PXDNL: variants seen among roughly 807,000 people sequenced by gnomAD.
PXDNL encodes the protein probable oxidoreductase PXDNL.
In PXDNL, 145 loss-of-function variants were observed where a neutral mutation model predicts 150.8. The observed-to-expected ratio is 0.96, with a 90% CI of 0.84 to 1.10. PXDNL has a LOEUF of 1.10. PXDNL is among the 50% of genes least tolerant of loss of function. PXDNL has a pLI of 0.00. For missense variants in PXDNL, 2,087 were observed against 1,873.9 expected (o/e 1.11, Z -2.10); for synonymous variants, 757 against 725.7 (o/e 1.04, Z -0.69).
chr8:51,406,405 C>T (rs1489217330), intron 17 of PXDNL, among the ~76,000 whole-genome samples: 1 of 152,202 alleles, frequency 6.6e-6, no homozygotes, highest in African/African-American at 2.4e-5. Flanking sequence ...TTGCAATACA[C>T]CTTCCAGATG....
intron 2 of PXDNL, among the ~76,000 whole-genome samples, chr8:51,608,082 CA>C (rs1813900085): frequency 6.8e-6 from 1 of 146,584 alleles, no homozygotes; most frequent in African/African-American, 2.7e-5. Flanking sequence ...AGCAAGCAAG[CA>C]AGCAAGCAAG....
At position 51,556,859 on chromosome 8, in the gene PXDNL, G is replaced by C. The variant is rs961933183; in HGVS notation, c.361C>G (p.Leu121Val). Reference protein sequence around the residue: ...HALDKQTFKGLISLEHLYIHF... With the variant: ...HALDKQTFKGVISLEHLYIHF... Reference sequence around the variant, plus strand: ...ACTTACAGATGTTCCAAAGATATGAGTCCTTTAAATGTTTGCTTATCTAGT... The same window carrying C: ...ACTTACAGATGTTCCAAAGATATGACTCCTTTAAATGTTTGCTTATCTAGT... The change falls in exon 4 of 23, where the codon CTC becomes GTC. Residue 121 changes from leucine (L) to valine (V), a missense_variant. Physicochemically the swap from Leu to Val is conservative, Grantham distance 32. Transcript: ENST00000356297. 7.0e-6 allele frequency: 11 copies of C among 1,579,502 alleles called. No homozygotes were observed. The highest frequency in any genetic ancestry group is 7.8e-6 in the Non-Finnish European group (9 of 1,149,544).
rs1312434830 is a variant in PXDNL, at chr8:51,374,684, A to T, written c.3605T>A (p.Val1202Asp). The part of the protein sequence containing the change: ...GDIDLWPALM[V>D]EDLIPGTRVG... ...TCTTGTACCAGGAATCAGGTCTTCA[A>T]CCATAAGGGCGGGCCAGAGGTCAAT... Residue 1202 changes from valine to aspartate, a missense_variant, in exon 18 of 23, where the codon GTT becomes GAT. Transcript: ENST00000356297. 6.2e-7 allele frequency: 1 copy of T among 1,613,866 alleles called. No homozygotes were observed. The highest frequency in any genetic ancestry group is 8.5e-7 in the Non-Finnish European group (1 of 1,179,890).
chr8:51,414,713 G>A (rs1211191110), intron 14 of PXDNL, among the ~76,000 whole-genome samples: 1 of 152,054 alleles, frequency 6.6e-6, no homozygotes, highest in Admixed American at 6.6e-5. Flanking sequence ...ACTAATAAAT[G>A]ACACAAATAG....
rs572678490 is a variant in PXDNL, at chr8:51,530,977, T to C, written c.380+25863A>G. Among the ~76,000 whole-genome samples the C allele has an allele frequency of 1.1e-4, 16 of 152,320 alleles. 1 individual carries two copies. The East Asian group carries it at 3.1e-3, about 29-fold the overall frequency. On this transcript the variant is annotated intron_variant, in intron 4 of 22. Coordinates refer to ENST00000356297, the MANE Select transcript of PXDNL (RefSeq NM_144651.5). ...ACAAAATAGATGCTCAGTAAATATT[T>C]TGAATGTGCACAAGAATAAATGAGT... is the stretch of plus-strand genomic sequence containing the variant.
In PXDNL at chr8:51,484,435, G is replaced by A. The variant is rs1320408820; in HGVS notation, c.453-721C>T. 1.0e-3 allele frequency among the ~76,000 whole-genome samples: 138 copies of A among 137,102 alleles called. 1 individual carries two copies. The highest frequency in any genetic ancestry group is 2.6e-3 in the African/African-American group (97 of 36,824). The allele number at this position is 137,102 out of a possible 152,430, so 89.9% of individuals were successfully genotyped here. A position where few individuals can be genotyped will look rare whatever the true frequency, so the allele number is the denominator to read the frequency against. On this transcript the variant is annotated intron_variant, in intron 5 of 22. Coordinates refer to ENST00000356297, the MANE Select transcript of PXDNL (RefSeq NM_144651.5). ...GGGTGACAGAGCAAGACTCTGTCTC[G>A]AAAAAAAAAAAAAAGGCACAACAAT...
chr8:51,333,748 C>A (rs1459322155), intron 21 of PXDNL, among the ~76,000 whole-genome samples: 1 of 152,260 alleles, frequency 6.6e-6, no homozygotes, highest in South Asian at 2.1e-4. Context: ...AGTAAAAGGC[C>A]TTGTCCAACA....
intron 1 of PXDNL, among the ~76,000 whole-genome samples, chr8:51,746,098 T>C (rs2036982139): frequency 6.6e-6 from 1 of 152,196 alleles, no homozygotes; most frequent in Admixed American, 6.5e-5. Flanking sequence ...CATAGATCTT[T>C]AGCAAGACTT....
intron 9 of PXDNL, among the ~76,000 whole-genome samples, chr8:51,455,605 A>G (rs1373090599): frequency 6.6e-6 from 1 of 152,182 alleles, no homozygotes. Flanking sequence ...TAGGCAGGCA[A>G]AAGAGATTTA....
chr8:51,588,032 G>C (rs1439588569), intron 3 of PXDNL, among the ~76,000 whole-genome samples: 1 of 152,172 alleles, frequency 6.6e-6, no homozygotes, highest in African/African-American at 2.4e-5. Context: ...AAAAAGAGAA[G>C]TACTGGTTGG....
At chr8:51,669,054 GATAA>G (rs1250320208) in intron 1 of PXDNL, among the ~76,000 whole-genome samples, 11 of 152,224 alleles carry the variant, frequency 7.2e-5, no homozygotes, top group African/African-American at 2.2e-4. Flanking sequence ...GATATTCTAT[GATAA>G]ATAAATCAAT....
At chr8:51,642,020 A>ACAGC (rs1814768147) in intron 2 of PXDNL, among the ~76,000 whole-genome samples, 1 of 137,050 alleles carries the variant, frequency 7.3e-6, no homozygotes, top group African/African-American at 3.1e-5. Context: ...GGAATACTAT[A>ACAGC]CAGCCATAAA....
At chr8:51,698,649 C>T (rs959623292) in intron 1 of PXDNL, among the ~76,000 whole-genome samples, 1 of 152,208 alleles carries the variant, frequency 6.6e-6, no homozygotes, top group East Asian at 1.9e-4. Context: ...TCATGGATCA[C>T]GCCTGTTCTT....
At chr8:51,403,513 G>A (rs1233672419) in intron 17 of PXDNL, among the ~76,000 whole-genome samples, 1 of 152,214 alleles carries the variant, frequency 6.6e-6, no homozygotes, top group Non-Finnish European at 1.5e-5. Context: ...TTGGGGGTGA[G>A]ATGAGTCCGA....
chr8:51,547,392 C>A (rs1812384309), intron 4 of PXDNL, among the ~76,000 whole-genome samples: 1 of 152,182 alleles, frequency 6.6e-6, no homozygotes, highest in African/African-American at 2.4e-5. Context: ...TTCAAGAAAA[C>A]CAGCACACTA....
intron 1 of PXDNL, among the ~76,000 whole-genome samples, chr8:51,656,784 G>A (rs1815158944): frequency 6.6e-6 from 1 of 152,106 alleles, no homozygotes; most frequent in South Asian, 2.1e-4. Context: ...AATTTCACGT[G>A]TGTATGTTTA....
At chr8:51,394,610 T>C (rs755516349) in intron 17 of PXDNL, among the ~76,000 whole-genome samples, 4 of 152,264 alleles carry the variant, frequency 2.6e-5, no homozygotes, top group Admixed American at 6.5e-5. Context: ...CTCTGCCAGG[T>C]AGTGGGACAT....
rs188091606 is a variant in PXDNL at position 51,639,852 on chromosome 8, A to G, written c.236+14837T>C. ...GTGGGAATCCTCCCTAACTCATTTT[A>G]TGAGGCCAGCATCATCCTGATACCA... On this transcript the variant is annotated intron_variant, in intron 2 of 22. Transcript: ENST00000356297. Among the ~76,000 whole-genome samples the G allele has an allele frequency of 5.6e-4, 85 of 152,298 alleles. No homozygotes were observed. The East Asian group carries it at 0.015, about 27-fold the overall frequency.
At chr8:51,749,648 C>T (rs149604305) in intron 1 of PXDNL, among the ~76,000 whole-genome samples, 38 of 152,274 alleles carry the variant, frequency 2.5e-4, no homozygotes, top group East Asian at 1.2e-3. Flanking sequence ...CATTACTGTA[C>T]GCTACTGTAG....
Sources: gnomAD v4.1 joint callset for allele counts (sites outside exome capture counted in the v4.1 genomes callset) on GRCh38, gnomAD v4.1.1 for gene constraint, MANE v1.5 for transcripts, NCBI Gene and HGNC (gene_info 2026-07-23, HGNC 2026-07-21) for gene names.